Variants in SGCZ observed in about 807,000 individuals in gnomAD.
The protein encoded by SGCZ is zeta-sarcoglycan.
In SGCZ, 40 loss-of-function variants were observed where a neutral mutation model predicts 41.3. The observed-to-expected ratio is 0.97, with a 90% CI of 0.75 to 1.26. SGCZ has a LOEUF of 1.26. Among genes scored for constraint, SGCZ ranks in the 50% most tolerant of loss-of-function variants. The probability of loss-of-function intolerance (pLI) is 0.00; values close to 1 mark genes in which losing one functional copy is unlikely to be tolerated. For synonymous variants in SGCZ, 206 were observed against 137.5 expected (o/e 1.50, Z -3.49); for missense variants, 552 against 369.8 (o/e 1.49, Z -4.04).
intron 1 of SGCZ, among the ~76,000 whole-genome samples, chr8:14,855,301 T>C (rs997774212): frequency 5.3e-5 from 8 of 152,104 alleles, no homozygotes; most frequent in Non-Finnish European, 1.2e-4. Flanking sequence ...CCGCCTGCTT[T>C]GGCCTCACAA....
chr8:14,418,817 T>A (rs867321406), intron 2 of SGCZ, among the ~76,000 whole-genome samples: 1 of 151,978 alleles, frequency 6.6e-6, no homozygotes, highest in Non-Finnish European at 1.5e-5. Flanking sequence ...CTATACATAG[T>A]CCAAAATGTA....
chr8:14,413,362 T>A (rs1799412019), intron 2 of SGCZ, among the ~76,000 whole-genome samples: 1 of 152,014 alleles, frequency 6.6e-6, no homozygotes, highest in African/African-American at 2.4e-5. Flanking sequence ...TTTAAGCTAT[T>A]TATATGTAGT....
chr8:14,574,730 T>A (rs992989311), intron 1 of SGCZ, among the ~76,000 whole-genome samples: 3 of 152,204 alleles, frequency 2.0e-5, no homozygotes, highest in Non-Finnish European at 4.4e-5. Context: ...TATGTTTTTC[T>A]TTGGTTAATT....
chr8:14,512,470 T>A (rs996179105), intron 2 of SGCZ, among the ~76,000 whole-genome samples: 4 of 152,086 alleles, frequency 2.6e-5, no homozygotes, highest in African/African-American at 7.2e-5. Context: ...TTTATTTATT[T>A]ATATTTTAGA....
chr8:15,020,501 G>T (rs1563443065), intron 1 of SGCZ, among the ~76,000 whole-genome samples: 1 of 152,096 alleles, frequency 6.6e-6, no homozygotes. Context: ...TGTCAATGCG[G>T]CTGGCTCTCA....
chr8:14,941,089 T>TA (rs1439446093), intron 1 of SGCZ, among the ~76,000 whole-genome samples: 2 of 152,034 alleles, frequency 1.3e-5, no homozygotes, highest in Non-Finnish European at 1.5e-5. Context: ...AGGCAAAGTT[T>TA]AAAAAAAGAG....
chr8:14,823,494 T>C (rs915275711), intron 1 of SGCZ, among the ~76,000 whole-genome samples: 1 of 152,150 alleles, frequency 6.6e-6, no homozygotes, highest in Non-Finnish European at 1.5e-5. Context: ...ACATTTCTAA[T>C]CGTCAAGCAA....
chr8:14,751,565 G>T (rs139479802), intron 1 of SGCZ, among the ~76,000 whole-genome samples: 1 of 152,234 alleles, frequency 6.6e-6, no homozygotes, highest in East Asian at 1.9e-4. Context: ...CCAGAATACT[G>T]TATTTTTATT....
Position 14,332,424 on chromosome 8 carries a change from G to C in SGCZ, c.235-8220C>G, listed in dbSNP as rs187074218. 1,197 of 152,240 alleles carry C rather than the reference G, an allele frequency of 7.9e-3. 13 individuals are homozygous for C. The highest frequency in any genetic ancestry group is 0.026 in the African/African-American group (1,099 of 41,528). 9.4% of individuals were successfully genotyped at this position (152,240 alleles called of 1,614,324 possible). A position where few individuals can be genotyped will look rare whatever the true frequency, so the allele number is the denominator to read the frequency against. ...CCACTGCACTCCAGCCTGGGCGACA[G>C]AGAGAGACTCTGTCTCAAAAAAATA... is the stretch of plus-strand genomic sequence containing the variant. On this transcript the variant is annotated intron_variant, in intron 2 of 7. Coordinates refer to ENST00000382080, the MANE Select transcript of SGCZ (RefSeq NM_139167.4).
chr8:15,185,470 G>A (rs575862582), intron 1 of SGCZ, among the ~76,000 whole-genome samples: 1 of 152,112 alleles, frequency 6.6e-6, no homozygotes, highest in Non-Finnish European at 1.5e-5. Context: ...TGACTTACAT[G>A]TATGTTCCTA....
intron 1 of SGCZ, among the ~76,000 whole-genome samples, chr8:15,038,814 CAAAAAAAAAAA>C (rs58922339): frequency 4.3e-5 from 4 of 93,088 alleles, no homozygotes; most frequent in Non-Finnish European, 6.7e-5. Context: ...TGACATTTCT[CAAAAAAAAAAA>C]AAAAAAAAAA....
At chr8:14,325,700 T>C (rs1363353069) in intron 2 of SGCZ, among the ~76,000 whole-genome samples, 1 of 111,010 alleles carries the variant, frequency 9.0e-6, no homozygotes, top group African/African-American at 3.3e-5. Flanking sequence ...TCATATATAA[T>C]TATATATACA....
At chr8:14,415,429 A>G (rs1799468253) in intron 2 of SGCZ, among the ~76,000 whole-genome samples, 1 of 151,902 alleles carries the variant, frequency 6.6e-6, no homozygotes, top group East Asian at 1.9e-4. Context: ...AAAGGGAATT[A>G]GTGTGAATGA....
intron 1 of SGCZ, among the ~76,000 whole-genome samples, chr8:15,036,424 G>T (rs933235100): frequency 2.6e-5 from 4 of 152,030 alleles, no homozygotes; most frequent in African/African-American, 9.7e-5. Context: ...GTTGGAGGAG[G>T]GAGAGGATGA....
intron 1 of SGCZ, among the ~76,000 whole-genome samples, chr8:14,799,247 C>A (rs376889336): frequency 5.3e-4 from 80 of 152,174 alleles, no homozygotes; most frequent in Admixed American, 1.6e-3. Flanking sequence ...GAGGACTTAA[C>A]GAGATGACCT....
intron 2 of SGCZ, among the ~76,000 whole-genome samples, chr8:14,542,266 T>C (rs1042453094): frequency 1.3e-5 from 2 of 152,108 alleles, no homozygotes; most frequent in African/African-American, 4.8e-5. Context: ...TAGTTTTCTT[T>C]CTAATATCTT....
Position 14,127,742 on chromosome 8 carries a change from C to T in SGCZ, c.548-19507G>A, listed in dbSNP as rs150770759. ...AAGTGCTGGGATTACATGCATGAGCCACCGCGCCTGGCCTGTTTTAGAATT... is the reference window on the plus strand; with the variant it reads ...AAGTGCTGGGATTACATGCATGAGCTACCGCGCCTGGCCTGTTTTAGAATT... On this transcript the variant is annotated intron_variant, in intron 5 of 7. Coordinates refer to ENST00000382080, the MANE Select transcript of SGCZ (RefSeq NM_139167.4). 6.2e-3 allele frequency among the ~76,000 whole-genome samples: 949 copies of T among 152,290 alleles called. 7 individuals are homozygous for T. Among genetic ancestry groups the T allele is most frequent in the African/African-American group, 0.022 (904 of 41,554 alleles).
At chr8:15,141,858 G>A (rs1382386037) in intron 1 of SGCZ, among the ~76,000 whole-genome samples, 2 of 150,784 alleles carry the variant, frequency 1.3e-5, no homozygotes, top group Non-Finnish European at 1.5e-5. Context: ...CCAAGATCAC[G>A]CCACTGCACT....
intron 1 of SGCZ, among the ~76,000 whole-genome samples, chr8:14,845,525 G>A (rs1803070128): frequency 6.6e-6 from 1 of 152,086 alleles, no homozygotes; most frequent in African/African-American, 2.4e-5. Flanking sequence ...AAGTAGAAAA[G>A]TGAACAGAAA....
Sources: gnomAD v4.1 joint callset for allele counts (sites outside exome capture counted in the v4.1 genomes callset) on GRCh38, gnomAD v4.1.1 for gene constraint, MANE v1.5 for transcripts, NCBI Gene and HGNC (gene_info 2026-07-23, HGNC 2026-07-21) for gene names.